The following CADM2 variants were observed in gnomAD, a reference collection of about 807,000 sequenced individuals.
CADM2 encodes immunoglobulin superfamily member 4D.
In CADM2, 12 loss-of-function variants were observed where a neutral mutation model predicts 49.8. The ratio of observed to expected loss-of-function variants is 0.24; its 90% CI spans 0.15 to 0.39. The LOEUF (loss-of-function observed/expected upper bound fraction) is 0.39. CADM2 is among the 10% of genes least tolerant of loss of function. The pLI, the probability that CADM2 is intolerant of heterozygous loss-of-function variation, is 1.00. For synonymous variants in CADM2, 214 were observed against 175.4 expected (o/e 1.22, Z -1.74); for missense variants, 378 against 492.3 (o/e 0.77, Z 2.20).
intron 1 of CADM2, among the ~76,000 whole-genome samples, chr3:85,720,026 G>A (rs539564557): frequency 6.6e-6 from 1 of 151,988 alleles, no homozygotes; most frequent in South Asian, 2.1e-4. Flanking sequence ...ACACTATGAA[G>A]TATCTAATGT....
chr3:85,714,163 A>G (rs578040434), intron 1 of CADM2, among the ~76,000 whole-genome samples: 2 of 152,326 alleles, frequency 1.3e-5, no homozygotes, highest in Non-Finnish European at 2.9e-5. Flanking sequence ...GAAGTAGATT[A>G]AACTGAATCC....
chr3:85,283,448 A>T (rs2043554313), intron 1 of CADM2, among the ~76,000 whole-genome samples: 1 of 151,880 alleles, frequency 6.6e-6, no homozygotes, highest in African/African-American at 2.4e-5. Flanking sequence ...TATGTATTAT[A>T]CATGTGCACT....
chr3:85,041,020 CAGT>C (rs2035413000), intron 1 of CADM2, among the ~76,000 whole-genome samples: 1 of 152,066 alleles, frequency 6.6e-6, no homozygotes, highest in Non-Finnish European at 1.5e-5. Flanking sequence ...AATTAAATAT[CAGT>C]TTGGACCCTC....
At chr3:85,772,440 G>T (rs2070141545) in intron 2 of CADM2, among the ~76,000 whole-genome samples, 2 of 151,884 alleles carry the variant, frequency 1.3e-5, no homozygotes. Flanking sequence ...TAGAATTTAT[G>T]GAATATCTAA....
chr3:85,898,064 G>C (rs1443911364), intron 5 of CADM2, among the ~76,000 whole-genome samples: 4 of 152,094 alleles, frequency 2.6e-5, no homozygotes, highest in Non-Finnish European at 5.9e-5. Context: ...TTTAAATGTG[G>C]GTATGTATAT....
At chr3:85,404,907 G>C (rs562746086) in intron 1 of CADM2, among the ~76,000 whole-genome samples, 1 of 152,092 alleles carries the variant, frequency 6.6e-6, no homozygotes, top group Non-Finnish European at 1.5e-5. Context: ...AAATAATAAA[G>C]TGATGAAAAG....
intron 1 of CADM2, among the ~76,000 whole-genome samples, chr3:85,204,724 A>G (rs1342569271): frequency 6.6e-6 from 1 of 152,184 alleles, no homozygotes; most frequent in Non-Finnish European, 1.5e-5. Flanking sequence ...ATGTTTTGCT[A>G]GGAGCTTTGA....
chr3:85,389,403 C>G (rs945781381), intron 1 of CADM2, among the ~76,000 whole-genome samples: 3 of 152,012 alleles, frequency 2.0e-5, no homozygotes, highest in Non-Finnish European at 1.5e-5. Context: ...ATGAGGAAAA[C>G]ATGACATTGG....
At chr3:85,197,494 G>A (rs962607757) in intron 1 of CADM2, among the ~76,000 whole-genome samples, 4 of 151,872 alleles carry the variant, frequency 2.6e-5, no homozygotes, top group African/African-American at 2.4e-5. Context: ...CCTGTGGATT[G>A]GCTCCATTTT....
At chr3:85,436,322 G>T (rs2036928091) in intron 1 of CADM2, among the ~76,000 whole-genome samples, 1 of 152,084 alleles carries the variant, frequency 6.6e-6, no homozygotes, top group Non-Finnish European at 1.5e-5. Context: ...GAGATTTTGG[G>T]CTGAGACGAT....
intron 1 of CADM2, among the ~76,000 whole-genome samples, chr3:85,225,844 A>T (rs2042147563): frequency 6.6e-6 from 1 of 152,196 alleles, no homozygotes; most frequent in Admixed American, 6.5e-5. Context: ...CCTTTTCTGC[A>T]TCTATTGAGT....
chr3:85,785,971 T>A (rs1490693578), intron 2 of CADM2, among the ~76,000 whole-genome samples: 1 of 152,056 alleles, frequency 6.6e-6, no homozygotes, highest in Non-Finnish European at 1.5e-5. Context: ...ATTGCAAAGA[T>A]GATTCAACCA....
At chr3:86,022,204 A>G (rs764923597) in intron 8 of CADM2, among the ~76,000 whole-genome samples, 15 of 152,316 alleles carry the variant, frequency 9.8e-5, no homozygotes, top group Admixed American at 2.0e-4. Flanking sequence ...AATTATAAAT[A>G]CACATACACA....
chr3:85,080,066 A>G (rs1168351684), intron 1 of CADM2, among the ~76,000 whole-genome samples: 13 of 152,042 alleles, frequency 8.6e-5, no homozygotes, highest in Admixed American at 3.3e-4. Flanking sequence ...TCAAACAAAT[A>G]TCATAATACT....
chr3:85,353,582 A>T (rs1321711862), intron 1 of CADM2, among the ~76,000 whole-genome samples: 1 of 151,210 alleles, frequency 6.6e-6, no homozygotes, highest in Non-Finnish European at 1.5e-5. Context: ...ATTTTATCAA[A>T]GTGAATCATT....
At position 86,005,592 on chromosome 3, in the gene CADM2, A is replaced by G. The variant is rs116115451; in HGVS notation, c.970+43945A>G. Among the ~76,000 whole-genome samples the G allele has an allele frequency of 3.1e-3, 475 of 152,046 alleles. 3 individuals carry two copies. The highest frequency in any genetic ancestry group is 0.011 in the African/African-American group (466 of 41,460). ...AAAAGTGAGCATATAATAGGTGTAT[A>G]TATTTATGTGGTGTATGAGATATTT... On this transcript the variant is annotated intron_variant, in intron 8 of 9. Transcript: ENST00000383699.
intron 1 of CADM2, among the ~76,000 whole-genome samples, chr3:85,325,514 A>T (rs995955107): frequency 3.9e-5 from 6 of 152,114 alleles, no homozygotes; most frequent in African/African-American, 1.4e-4. Context: ...GTCTGAGACC[A>T]GGATGGCCAA....
intron 1 of CADM2, among the ~76,000 whole-genome samples, chr3:85,234,759 A>G (rs2042374613): frequency 6.6e-6 from 1 of 152,194 alleles, no homozygotes; most frequent in Non-Finnish European, 1.5e-5. Flanking sequence ...CCAGAGTAGT[A>G]GTACTCTCCA....
At chr3:84,961,564 C>CA (rs1336551093) in intron 1 of CADM2, among the ~76,000 whole-genome samples, 1 of 152,124 alleles carries the variant, frequency 6.6e-6, no homozygotes, top group African/African-American at 2.4e-5. Flanking sequence ...GACAATCTCA[C>CA]AGAGACCCTA....
Sources: allele counts gnomAD v4.1 joint callset (sites outside exome capture counted in the v4.1 genomes callset), GRCh38; gene constraint gnomAD v4.1.1; transcripts MANE v1.5; gene names NCBI Gene and HGNC (gene_info 2026-07-23, HGNC 2026-07-21).